SEMA6D: variants seen among roughly 807,000 people sequenced by gnomAD.
SEMA6D encodes semaphorin-6D.
SEMA6D carries 35 observed loss-of-function variants against 106.6 expected under a neutral mutation model. The ratio of observed to expected loss-of-function variants is 0.33; its 90% CI spans 0.25 to 0.44. The LOEUF (loss-of-function observed/expected upper bound fraction) is 0.44. Ranked by LOEUF, SEMA6D falls within the 20% of genes least tolerant of loss-of-function variation. SEMA6D has a pLI of 1.00. For synonymous variants in SEMA6D, 499 were observed against 487.7 expected (o/e 1.02, Z -0.31); for missense variants, 1,185 against 1,345.9 (o/e 0.88, Z 1.87).
intron 1 of SEMA6D, among the ~76,000 whole-genome samples, chr15:47,721,453 G>A (rs999673130): frequency 6.6e-5 from 10 of 152,100 alleles, no homozygotes; most frequent in African/African-American, 2.4e-4. Context: ...CGCTGATTTT[G>A]TGAACAGCTG....
chr15:47,322,321 A>T (rs548966923), intron 1 of SEMA6D, among the ~76,000 whole-genome samples: 1 of 151,536 alleles, frequency 6.6e-6, no homozygotes, highest in East Asian at 1.9e-4. Flanking sequence ...CAATTCTAGA[A>T]TCTGATCCAG....
chr15:47,762,869 T>G, intron 8 of SEMA6D, 147 bp from the exon 9 acceptor site: 1 of 593,068 alleles, frequency 1.7e-6, no homozygotes. Flanking sequence ...ACACCCATAT[T>G]GGGACTCCTC....
At chr15:47,613,014 T>C (rs142314063) in intron 4 of SEMA6D, among the ~76,000 whole-genome samples, 4 of 152,350 alleles carry the variant, frequency 2.6e-5, no homozygotes, top group African/African-American at 9.6e-5. Flanking sequence ...TTTTAAACTC[T>C]GTGGAGCCTA....
chr15:47,558,105 A>G (rs535751525), intron 3 of SEMA6D, among the ~76,000 whole-genome samples: 16 of 152,220 alleles, frequency 1.1e-4, no homozygotes, highest in South Asian at 2.1e-4. Context: ...CTGGACCTCA[A>G]TGATCCCATA....
At chr15:47,358,845 T>C (rs982632167) in intron 1 of SEMA6D, among the ~76,000 whole-genome samples, 2 of 152,218 alleles carry the variant, frequency 1.3e-5, no homozygotes, top group Admixed American at 1.3e-4. Context: ...GAGATTATTT[T>C]CAATTTTTAA....
chr15:47,554,989 G>A (rs1213300638), intron 3 of SEMA6D, among the ~76,000 whole-genome samples: 4 of 152,136 alleles, frequency 2.6e-5, no homozygotes, highest in Admixed American at 6.5e-5. Flanking sequence ...TTTGCATGCC[G>A]TAAGTAGGCA....
intron 1 of SEMA6D, among the ~76,000 whole-genome samples, chr15:47,318,885 C>T (rs1190398359): frequency 5.3e-5 from 8 of 151,404 alleles, no homozygotes; most frequent in African/African-American, 1.7e-4. Context: ...GTCCCACCAA[C>T]AGTGTAAAAG....
intron 1 of SEMA6D, among the ~76,000 whole-genome samples, chr15:47,408,098 G>A (rs775251479): frequency 7.2e-5 from 11 of 152,100 alleles, no homozygotes; most frequent in South Asian, 2.1e-4. Context: ...AAATTTCAGC[G>A]TTTTCTCCTC....
chr15:47,255,850 A>T (rs2142003819), intron 1 of SEMA6D, among the ~76,000 whole-genome samples: 1 of 152,266 alleles, frequency 6.6e-6, no homozygotes, highest in African/African-American at 2.4e-5. Context: ...AATCTATTTC[A>T]AGTTAATTTT....
intron 3 of SEMA6D, among the ~76,000 whole-genome samples, chr15:47,493,727 T>G (rs1373678727): frequency 6.6e-6 from 1 of 152,156 alleles, no homozygotes; most frequent in Non-Finnish European, 1.5e-5. Context: ...ATCTCTTGTA[T>G]AGAGGTGAGG....
At position 47,767,363 on chromosome 15, in the gene SEMA6D, C is replaced by T. The variant is rs533151968; in HGVS notation, c.1765+270C>T. On this transcript the variant is annotated intron_variant, in intron 17 of 18. Transcript: ENST00000536845. Reference sequence around the variant, plus strand: ...ACTGCATTCCAGCTGCACGCACGCCCACCCAAGCTTTCTTCTTTCTCACCT... The same window carrying T: ...ACTGCATTCCAGCTGCACGCACGCCTACCCAAGCTTTCTTCTTTCTCACCT... The T allele has an allele frequency of 2.4e-5, 7 of 294,994 alleles. No homozygotes were observed. The South Asian group carries it at 1.1e-3, about 46-fold the overall frequency. 18.3% of individuals were successfully genotyped at this position (294,994 alleles called of 1,614,324 possible).
intron 3 of SEMA6D, among the ~76,000 whole-genome samples, chr15:47,489,271 C>A (rs763753378): frequency 6.6e-6 from 1 of 152,120 alleles, no homozygotes; most frequent in Non-Finnish European, 1.5e-5. Flanking sequence ...GAGGGGGCAC[C>A]GCCCTGCCAA....
intron 1 of SEMA6D, among the ~76,000 whole-genome samples, chr15:47,335,255 G>A (rs2037505132): frequency 1.3e-5 from 2 of 152,130 alleles, no homozygotes; most frequent in African/African-American, 4.8e-5. Flanking sequence ...ACTAATTTAA[G>A]AGCAATGTCT....
intron 1 of SEMA6D, among the ~76,000 whole-genome samples, chr15:47,229,784 T>C (rs7182633): frequency 0.031 from 4,698 of 152,178 alleles, 242 homozygotes; most frequent in African/African-American, 0.11. Flanking sequence ...TTATTCTTTA[T>C]TATGTGTGGG....
At chr15:47,765,820 A>G in intron 13 of SEMA6D, 49 bp from the exon 14 acceptor site, 1 of 1,453,132 alleles carries the variant, frequency 6.9e-7, no homozygotes, top group South Asian at 1.7e-5. Context: ...AAAGCAAACC[A>G]CACTTGACTG....
chr15:47,372,399 G>A (rs185339426), intron 1 of SEMA6D, among the ~76,000 whole-genome samples: 4 of 152,250 alleles, frequency 2.6e-5, no homozygotes, highest in Non-Finnish European at 5.9e-5. Context: ...GAAATAACAT[G>A]GACATTCTTT....
At chr15:47,320,998 T>C (rs1386591169) in intron 1 of SEMA6D, among the ~76,000 whole-genome samples, 1 of 152,194 alleles carries the variant, frequency 6.6e-6, no homozygotes, top group African/African-American at 2.4e-5. Context: ...CTTATTGACC[T>C]CACTATGTAG....
chr15:47,507,320 C>T (rs115248891), intron 3 of SEMA6D, among the ~76,000 whole-genome samples: 139 of 152,064 alleles, frequency 9.1e-4, no homozygotes, highest in African/African-American at 3.4e-3. Context: ...AACAGCTCTT[C>T]TGGGCTCTCA....
chr15:47,460,216 A>G (rs1054381704), intron 2 of SEMA6D, among the ~76,000 whole-genome samples: 2 of 152,060 alleles, frequency 1.3e-5, no homozygotes, highest in African/African-American at 4.8e-5. Flanking sequence ...TTTAGAATCT[A>G]ATTTTTATGC....
Sources: allele counts gnomAD v4.1 joint callset (sites outside exome capture counted in the v4.1 genomes callset), GRCh38; gene constraint gnomAD v4.1.1; transcripts MANE v1.5; gene names NCBI Gene and HGNC (gene_info 2026-07-23, HGNC 2026-07-21).